Variants in OSBPL9 observed in about 807,000 individuals in gnomAD.
The protein encoded by OSBPL9 is oxysterol-binding protein-related protein 9.
Under a neutral mutation model 106.6 loss-of-function variants are expected in OSBPL9, and 40 were observed. The observed-to-expected ratio is 0.38, with a 90% CI of 0.29 to 0.49. OSBPL9 has a LOEUF of 0.49. Among genes scored for constraint, OSBPL9 ranks in the 20% least tolerant of loss-of-function variants. The pLI is 0.97. For synonymous variants in OSBPL9, 269 were observed against 295.4 expected (o/e 0.91, Z 0.92); for missense variants, 609 against 887.2 (o/e 0.69, Z 3.98).
chr1:51,755,468 T>A (rs1670133312), intron 8 of OSBPL9, among the ~76,000 whole-genome samples: 1 of 152,204 alleles, frequency 6.6e-6, no homozygotes, highest in Non-Finnish European at 1.5e-5. Context: ...AGAAAAGTAA[T>A]ATGCGTTCAA....
rs572487490 is a variant in OSBPL9 at position 51,784,201 on chromosome 1, G to A, written c.1625-63G>A. ...AGTATCCTGGAGTAACCATCAGCTC[G>A]ACAAGAAAGCCTTGTGGCCACTTGG... On this transcript the variant is annotated intron_variant, in intron 18 of 23. Transcript: ENST00000428468. 1.5e-4 allele frequency: 231 copies of A among 1,542,992 alleles called. 1 individual carries two copies. The South Asian group carries it at 1.9e-3, about 13-fold the overall frequency.
chr1:51,564,185 A>G, the OSBPL9 span, among the ~76,000 whole-genome samples: 1 of 151,896 alleles, frequency 6.6e-6, no homozygotes, highest in Non-Finnish European at 1.5e-5. Flanking sequence ...CATCATCTAT[A>G]TGAAGGTCCA....
At chr1:51,767,284 T>G (rs943272759) in intron 12 of OSBPL9, among the ~76,000 whole-genome samples, 3 of 151,834 alleles carry the variant, frequency 2.0e-5, no homozygotes, top group African/African-American at 7.3e-5. Flanking sequence ...TCCTAGCTAC[T>G]CGGGAGGCTA....
At chr1:51,607,835 T>C (rs1228013327) in intron 2 of OSBPL9, among the ~76,000 whole-genome samples, 2 of 152,228 alleles carry the variant, frequency 1.3e-5, no homozygotes, top group Non-Finnish European at 2.9e-5. Flanking sequence ...AATGAAAGTT[T>C]ATTAAAAAAT....
the OSBPL9 span, among the ~76,000 whole-genome samples, chr1:51,546,460 T>G: frequency 6.6e-6 from 1 of 152,030 alleles, no homozygotes; most frequent in Non-Finnish European, 1.5e-5. Flanking sequence ...CACTTTGGGA[T>G]GCCGAGGCGG....
chr1:51,673,562 T>A (rs1650437433), intron 3 of OSBPL9, among the ~76,000 whole-genome samples: 1 of 152,232 alleles, frequency 6.6e-6, no homozygotes, highest in Non-Finnish European at 1.5e-5. Context: ...GAATGGGATC[T>A]AACACACAGG....
chr1:51,655,655 C>T (rs1646774288), intron 2 of OSBPL9, among the ~76,000 whole-genome samples: 1 of 152,178 alleles, frequency 6.6e-6, no homozygotes, highest in Non-Finnish European at 1.5e-5. Flanking sequence ...CTGTGAGAGT[C>T]ATTCTTAAAA....
At chr1:51,600,840 A>G (rs1645322523) in intron 2 of OSBPL9, among the ~76,000 whole-genome samples, 1 of 152,216 alleles carries the variant, frequency 6.6e-6, no homozygotes. Flanking sequence ...AATTACTAAC[A>G]TAGTGTCAGG....
At chr1:51,730,029 G>A in intron 4 of OSBPL9, 3 of 1,305,732 alleles carry the variant, frequency 2.3e-6, no homozygotes, top group Non-Finnish European at 2.9e-6. Flanking sequence ...GTCTGGGAGA[G>A]GGGCCGGCCC....
chr1:51,549,423 A>G, the OSBPL9 span, among the ~76,000 whole-genome samples: 1 of 152,166 alleles, frequency 6.6e-6, no homozygotes, highest in Non-Finnish European at 1.5e-5. Context: ...AGCACCTACT[A>G]TGTTCCAGAT....
chr1:51,696,298 ATGTT>A (rs911089513), intron 3 of OSBPL9, among the ~76,000 whole-genome samples: 7 of 152,134 alleles, frequency 4.6e-5, no homozygotes, highest in African/African-American at 1.7e-4. Flanking sequence ...GAAAATGAGA[ATGTT>A]TGATGTTTGC....
At chr1:51,733,115 G>T (rs1664833679) in intron 4 of OSBPL9, among the ~76,000 whole-genome samples, 1 of 152,264 alleles carries the variant, frequency 6.6e-6, no homozygotes, top group Non-Finnish European at 1.5e-5. Flanking sequence ...TCTTGTGTGT[G>T]CTACTACAGC....
At chr1:51,763,863 C>T (rs1214231339) in intron 11 of OSBPL9, among the ~76,000 whole-genome samples, 1 of 152,090 alleles carries the variant, frequency 6.6e-6, no homozygotes, top group Non-Finnish European at 1.5e-5. Context: ...AATTTTGAAA[C>T]AACCAAAATT....
At chr1:51,530,900 G>A in the OSBPL9 span, among the ~76,000 whole-genome samples, 3 of 138,114 alleles carry the variant, frequency 2.2e-5, no homozygotes, top group East Asian at 6.6e-4. Context: ...CTTGAACCCG[G>A]GAGGCCGAGG....
chr1:51,707,371 T>G (rs1304042756), intron 3 of OSBPL9: 5 of 180,922 alleles, frequency 2.8e-5, no homozygotes, highest in African/African-American at 1.2e-4. Context: ...CAATACCTTC[T>G]TAATGTCATC....
chr1:51,717,903 T>A (rs1395987755), intron 4 of OSBPL9, among the ~76,000 whole-genome samples: 1 of 152,200 alleles, frequency 6.6e-6, no homozygotes, highest in African/African-American at 2.4e-5. Context: ...AAGAGATACC[T>A]GCACACCCAG....
chr1:51,599,479 A>C (rs1218023723), intron 2 of OSBPL9, among the ~76,000 whole-genome samples: 2 of 152,174 alleles, frequency 1.3e-5, no homozygotes. Context: ...TTAAATGAAT[A>C]GATGAATTTT....
chr1:51,600,988 G>C (rs907144869), intron 2 of OSBPL9, among the ~76,000 whole-genome samples: 4 of 152,210 alleles, frequency 2.6e-5, no homozygotes, highest in Non-Finnish European at 5.9e-5. Flanking sequence ...AGATCAGGAA[G>C]GATTATGTGG....
At chr1:51,538,626 G>A in the OSBPL9 span, 1 of 152,032 alleles carries the variant, frequency 6.6e-6, no homozygotes, top group African/African-American at 2.4e-5. Flanking sequence ...CTATACAAAA[G>A]GCATATAGAA....
Sources: gnomAD v4.1 joint callset for allele counts (sites outside exome capture counted in the v4.1 genomes callset) on GRCh38, gnomAD v4.1.1 for gene constraint, MANE v1.5 for transcripts, NCBI Gene and HGNC (gene_info 2026-07-23, HGNC 2026-07-21) for gene names.